NELL1: variants seen among roughly 807,000 people sequenced by gnomAD.
The protein encoded by NELL1 is protein kinase C-binding protein NELL1.
A neutral mutation model predicts 107.4 loss-of-function variants in NELL1; 76 were observed. The ratio of observed to expected loss-of-function variants is 0.71; its 90% CI spans 0.59 to 0.86. The LOEUF (loss-of-function observed/expected upper bound fraction) is 0.86. NELL1 is among the 40% of genes least tolerant of loss of function. The pLI is 0.00. For missense variants in NELL1, 1,024 were observed against 1,005.5 expected, an observed-to-expected ratio of 1.02 and a Z score of -0.25; for synonymous variants, 353 against 341.2, an observed-to-expected ratio of 1.03 and a Z score of -0.38.
intron 15 of NELL1, among the ~76,000 whole-genome samples, chr11:21,375,770 T>C (rs896563725): frequency 2.0e-5 from 3 of 152,276 alleles, no homozygotes; most frequent in Admixed American, 2.0e-4. Flanking sequence ...GGTATTTCAC[T>C]GTGATTTTGA....
chr11:20,882,635 A>G (rs1305146567), intron 4 of NELL1, among the ~76,000 whole-genome samples: 3 of 152,214 alleles, frequency 2.0e-5, no homozygotes, highest in South Asian at 4.1e-4. Context: ...TTCAGTGCCT[A>G]TTTCCTAAGA....
chr11:20,938,306 A>G (rs1318674375), intron 10 of NELL1, among the ~76,000 whole-genome samples: 1 of 152,210 alleles, frequency 6.6e-6, no homozygotes, highest in Non-Finnish European at 1.5e-5. Context: ...GTATAAGATC[A>G]TAGATCTCAT....
intron 2 of NELL1, among the ~76,000 whole-genome samples, chr11:20,746,721 A>AGACTGTT (rs1856012646): frequency 6.6e-6 from 1 of 152,114 alleles, no homozygotes; most frequent in Non-Finnish European, 1.5e-5. Context: ...GATCATTTTT[A>AGACTGTT]GACTGTTTTC....
intron 15 of NELL1, among the ~76,000 whole-genome samples, chr11:21,524,733 A>C (rs1379489032): frequency 6.6e-6 from 1 of 152,170 alleles, no homozygotes; most frequent in Non-Finnish European, 1.5e-5. Flanking sequence ...ATCATTTGTA[A>C]TTACTAGAGG....
intron 17 of NELL1, among the ~76,000 whole-genome samples, chr11:21,568,394 GTGCACTTC>G (rs1336935323): frequency 6.6e-6 from 1 of 151,764 alleles, no homozygotes; most frequent in East Asian, 1.9e-4. Flanking sequence ...GGATATTACT[GTGCACTTC>G]TGTACCTTTA....
chr11:20,992,450 T>C (rs1590511509), intron 12 of NELL1, among the ~76,000 whole-genome samples: 1 of 152,224 alleles, frequency 6.6e-6, no homozygotes, highest in Non-Finnish European at 1.5e-5. Flanking sequence ...TGGAAATTAT[T>C]TCAAACCTGC....
chr11:21,262,202 T>C (rs1848547392), intron 14 of NELL1, among the ~76,000 whole-genome samples: 1 of 151,872 alleles, frequency 6.6e-6, no homozygotes, highest in African/African-American at 2.4e-5. Context: ...TTAACTCTTT[T>C]ATGTTCTGGA....
intron 11 of NELL1, among the ~76,000 whole-genome samples, chr11:20,957,063 G>A (rs1390228499): frequency 1.3e-5 from 2 of 152,168 alleles, no homozygotes; most frequent in African/African-American, 4.8e-5. Context: ...CAGTGGAGTT[G>A]ACGTTTGCCC....
intron 13 of NELL1, among the ~76,000 whole-genome samples, chr11:21,163,848 C>T (rs1856424895): frequency 6.6e-6 from 1 of 151,622 alleles, no homozygotes. Context: ...TCCCAAAGGC[C>T]CTGCTACCAA....
chr11:20,885,454 C>A lies in NELL1; in HGVS notation c.517C>A (p.Arg173Ser). ...LHVDCNRIYE[R>S]VIDPPDTNLP... The stretch of plus-strand genomic sequence containing the variant: ...TCTTTGCCTTTACAGGATTTATGAG[C>A]GTGTGATAGACCCTCCAGATACCAA... The change falls in exon 5 of 20, where the codon CGT becomes AGT. Residue 173 changes from arginine (R) to serine (S), a missense_variant. Coordinates refer to ENST00000357134, the MANE Select transcript of NELL1 (RefSeq NM_006157.5). 2 of 1,608,360 alleles carry A rather than the reference C, an allele frequency of 1.2e-6. No individual in the cohort carries two copies. The highest frequency in any genetic ancestry group is 1.1e-5 in the South Asian group (1 of 90,944).
chr11:20,947,283 C>A, intron 10 of NELL1, 53 bp from the exon 11 acceptor site: 1 of 1,179,966 alleles, frequency 8.5e-7, no homozygotes, highest in South Asian at 1.2e-5. Flanking sequence ...TAAGTTTGTT[C>A]CATTGACTAA....
chr11:21,479,535 G>A (rs1265017034), intron 15 of NELL1, among the ~76,000 whole-genome samples: 1 of 152,074 alleles, frequency 6.6e-6, no homozygotes, highest in Non-Finnish European at 1.5e-5. Context: ...GTTACCAGGG[G>A]CTGGGAAAGG....
At chr11:21,475,788 G>C (rs1160501657) in intron 15 of NELL1, among the ~76,000 whole-genome samples, 1 of 152,184 alleles carries the variant, frequency 6.6e-6, no homozygotes, top group Non-Finnish European at 1.5e-5. Flanking sequence ...TGATAAGACA[G>C]CTTTTTGTAA....
At chr11:21,330,785 C>T (rs1273430358) in intron 14 of NELL1, among the ~76,000 whole-genome samples, 2 of 151,916 alleles carry the variant, frequency 1.3e-5, no homozygotes, top group Non-Finnish European at 2.9e-5. Flanking sequence ...AAGTATTAAC[C>T]ATTATTTATT....
At chr11:21,403,447 A>G (rs1852146337) in intron 15 of NELL1, among the ~76,000 whole-genome samples, 2 of 151,898 alleles carry the variant, frequency 1.3e-5, no homozygotes, top group South Asian at 4.1e-4. Flanking sequence ...TGATCTTAGG[A>G]CACAGCTAGA....
At chr11:20,993,913 C>A (rs1194754497) in intron 12 of NELL1, among the ~76,000 whole-genome samples, 3 of 144,660 alleles carry the variant, frequency 2.1e-5, no homozygotes, top group Admixed American at 6.9e-5. Context: ...AAAAAAAAAT[C>A]AGTACGAATC....
At position 21,385,572 on chromosome 11, in the gene NELL1, T is replaced by C. The variant is rs137956070; in HGVS notation, c.1645+14624T>C. On this transcript the variant is annotated intron_variant, in intron 15 of 19. Coordinates refer to ENST00000357134, the MANE Select transcript of NELL1 (RefSeq NM_006157.5). ...TAGTATAAACCACTCATATTTGTTT[T>C]ACGCCTGAAATGATTTCAGAACACA... 1.2e-4 allele frequency among the ~76,000 whole-genome samples: 19 copies of C among 152,002 alleles called. No individual in the cohort carries two copies. The East Asian group carries it at 3.7e-3, about 30-fold the overall frequency.
intron 13 of NELL1, among the ~76,000 whole-genome samples, chr11:21,213,455 G>A (rs897456355): frequency 1.3e-5 from 2 of 151,982 alleles, no homozygotes; most frequent in African/African-American, 2.4e-5. Context: ...TATAGATACT[G>A]TAATCAATTG....
At chr11:21,493,545 T>A (rs1475297778) in intron 15 of NELL1, among the ~76,000 whole-genome samples, 1 of 151,598 alleles carries the variant, frequency 6.6e-6, no homozygotes, top group Non-Finnish European at 1.5e-5. Flanking sequence ...AAAAAATTGA[T>A]CTTCTGGAGA....
Sources: gnomAD v4.1 joint callset for allele counts (sites outside exome capture counted in the v4.1 genomes callset) on GRCh38, gnomAD v4.1.1 for gene constraint, MANE v1.5 for transcripts, NCBI Gene and HGNC (gene_info 2026-07-23, HGNC 2026-07-21) for gene names.